Variants in TMCO4 observed in about 807,000 individuals in gnomAD.
The protein encoded by TMCO4 is transmembrane and coiled-coil domain-containing protein 4.
A neutral mutation model predicts 64.7 loss-of-function variants in TMCO4; 58 were observed. The ratio of observed to expected loss-of-function variants is 0.90; its 90% CI spans 0.73 to 1.12. The LOEUF is 1.12. Among genes scored for constraint, TMCO4 ranks in the 50% most tolerant of loss-of-function variants. TMCO4 has a pLI of 0.00. For missense variants in TMCO4, 780 were observed against 825.9 expected (o/e 0.94, Z 0.68); for synonymous variants, 325 against 346.1 (o/e 0.94, Z 0.68).
chr1:19,700,719 T>C, intron 14 of TMCO4, 49 bp downstream of exon 14: 4 of 1,459,020 alleles, frequency 2.7e-6, no homozygotes, highest in Non-Finnish European at 3.8e-6. Flanking sequence ...GCATACTAAG[T>C]GCTCCGTAAG....
chr1:19,766,725 C>A (rs2042750449), intron 6 of TMCO4, among the ~76,000 whole-genome samples: 2 of 152,238 alleles, frequency 1.3e-5, no homozygotes, highest in Non-Finnish European at 2.9e-5. Context: ...CATTCAGTAA[C>A]TTGCCAAGGT....
At chr1:19,684,461 T>G (rs1239247051) in intron 15 of TMCO4, among the ~76,000 whole-genome samples, 1 of 152,140 alleles carries the variant, frequency 6.6e-6, no homozygotes, top group Non-Finnish European at 1.5e-5. Context: ...AGAAGGGCTC[T>G]GCTGTTCACT....
chr1:19,688,263 C>T (rs573157329), intron 15 of TMCO4, among the ~76,000 whole-genome samples: 1 of 152,236 alleles, frequency 6.6e-6, no homozygotes, highest in East Asian at 1.9e-4. Context: ...GAGCAGAGAC[C>T]ACTTCTCACT....
chr1:19,709,700 G>A (rs1260192868), intron 13 of TMCO4, among the ~76,000 whole-genome samples: 1 of 151,850 alleles, frequency 6.6e-6, no homozygotes. Context: ...CGGAGATTGT[G>A]CTGCAAGGCT....
chr1:19,771,673 T>G (rs2042989091), intron 4 of TMCO4, among the ~76,000 whole-genome samples, 191 bp from the exon 5 acceptor site: 2 of 152,166 alleles, frequency 1.3e-5, no homozygotes, highest in South Asian at 4.1e-4. Flanking sequence ...GTTTTTGTTT[T>G]GAGATGGAGT....
chr1:19,693,101 A>G (rs2095209905), intron 15 of TMCO4, among the ~76,000 whole-genome samples: 1 of 135,480 alleles, frequency 7.4e-6, no homozygotes, highest in Non-Finnish European at 1.5e-5. Flanking sequence ...AGAGCCTGGG[A>G]GGCAGAGGTT....
At chr1:19,757,099 T>G (rs1050537598) in intron 6 of TMCO4, among the ~76,000 whole-genome samples, 9 of 146,106 alleles carry the variant, frequency 6.2e-5, no homozygotes, top group African/African-American at 2.2e-4. Context: ...GAGACCAGCC[T>G]GGCCAACATG....
chr1:19,771,525 T>C, intron 4 of TMCO4, 43 bp from the exon 5 acceptor site: 2 of 1,598,036 alleles, frequency 1.3e-6, no homozygotes, highest in Non-Finnish European at 8.5e-7. Flanking sequence ...TCCTCAGAGC[T>C]CAGCCTCCAC....
intron 13 of TMCO4, among the ~76,000 whole-genome samples, chr1:19,718,680 T>C (rs1250481455): frequency 8.9e-6 from 1 of 112,294 alleles, no homozygotes; most frequent in Admixed American, 9.7e-5. Context: ...AGAGAGAAAA[T>C]GCAACACCTG....
intron 6 of TMCO4, among the ~76,000 whole-genome samples, chr1:19,767,810 C>T (rs2042802373): frequency 1.3e-5 from 2 of 152,022 alleles, no homozygotes; most frequent in East Asian, 1.9e-4. Flanking sequence ...ATGAGAGGAT[C>T]GCCGGGCATG....
intron 2 of TMCO4, among the ~76,000 whole-genome samples, chr1:19,793,185 G>C (rs2044138559): frequency 1.3e-5 from 2 of 151,834 alleles, no homozygotes; most frequent in African/African-American, 4.8e-5. Context: ...GACCCCACCA[G>C]GCTTTCTCTC....
chr1:19,754,213 G>A (rs532769613), intron 7 of TMCO4, among the ~76,000 whole-genome samples: 4 of 152,090 alleles, frequency 2.6e-5, no homozygotes, highest in African/African-American at 4.8e-5. Context: ...AAATCGCTCC[G>A]GGTAATACGT....
chr1:19,748,816 C>T lies in TMCO4; in HGVS notation c.516-1556G>A, dbSNP rs545295025. ...CTCCAGCTTGGGAACAGAGTGAGACCCTGTCTCGAATGAATGAGTGAATGA... is the reference window on the plus strand; with the variant it reads ...CTCCAGCTTGGGAACAGAGTGAGACTCTGTCTCGAATGAATGAGTGAATGA... On this transcript the variant is annotated intron_variant, in intron 7 of 15. Transcript: ENST00000294543. Among the ~76,000 whole-genome samples the T allele has an allele frequency of 5.5e-5, 8 of 144,306 alleles. No individual in the cohort carries two copies. In the South Asian group the frequency reaches 1.8e-3, roughly 32 times the overall value. The allele number at this position is 144,306 out of a possible 152,430, so 94.7% of individuals were successfully genotyped here.
At chr1:19,759,354 T>C (rs1412742152) in intron 6 of TMCO4, among the ~76,000 whole-genome samples, 1 of 152,172 alleles carries the variant, frequency 6.6e-6, no homozygotes, top group Non-Finnish European at 1.5e-5. Context: ...CTCTTGCCTC[T>C]GCACTCCATT....
At chr1:19,741,135 T>G (rs570575201) in intron 10 of TMCO4, among the ~76,000 whole-genome samples, 194 bp from the exon 11 acceptor site, 58 of 152,314 alleles carry the variant, frequency 3.8e-4, no homozygotes, top group South Asian at 1.2e-3. Flanking sequence ...CAGGCTGGGC[T>G]GGAATCCCAG....
intron 2 of TMCO4, among the ~76,000 whole-genome samples, chr1:19,794,579 C>T (rs924164188): frequency 1.3e-5 from 2 of 152,236 alleles, no homozygotes; most frequent in Admixed American, 6.5e-5. Context: ...AGATGAAACA[C>T]AGGGGGGACC....
At chr1:19,733,652 A>G (rs1040757475) in intron 13 of TMCO4, among the ~76,000 whole-genome samples, 1 of 152,152 alleles carries the variant, frequency 6.6e-6, no homozygotes, top group Non-Finnish European at 1.5e-5. Context: ...TTTTGGGAAA[A>G]CAATTGCCCA....
chr1:19,774,065 C>T (rs1194740937), intron 4 of TMCO4, among the ~76,000 whole-genome samples: 2 of 152,174 alleles, frequency 1.3e-5, no homozygotes, highest in African/African-American at 2.4e-5. Flanking sequence ...CACCAGTGAA[C>T]CCTGGATAAA....
At chr1:19,771,601 T>C in intron 4 of TMCO4, 119 bp from the exon 5 acceptor site, 1 of 1,004,658 alleles carries the variant, frequency 1.0e-6, no homozygotes, top group African/African-American at 1.6e-5. Context: ...TTACTGACTG[T>C]GATCCCTCAA....
Sources: allele counts gnomAD v4.1 joint callset (sites outside exome capture counted in the v4.1 genomes callset), GRCh38; gene constraint gnomAD v4.1.1; transcripts MANE v1.5; gene names NCBI Gene and HGNC (gene_info 2026-07-23, HGNC 2026-07-21).